The following PPHLN1 variants were observed in gnomAD, a reference collection of about 807,000 sequenced individuals.
PPHLN1 encodes the protein periphilin-1.
In PPHLN1, 29 loss-of-function variants were observed where a neutral mutation model predicts 51.3. The ratio of observed to expected loss-of-function variants is 0.57; its 90% CI spans 0.42 to 0.77. The LOEUF is 0.77. PPHLN1 is among the 30% of genes least tolerant of loss of function. The pLI, the probability that PPHLN1 is intolerant of heterozygous loss-of-function variation, is 0.00. For synonymous variants in PPHLN1, 147 were observed against 147.8 expected, an observed-to-expected ratio of 0.99 and a Z score of 0.04; for missense variants, 436 against 438.4, an observed-to-expected ratio of 0.99 and a Z score of 0.05.
intron 4 of PPHLN1, among the ~76,000 whole-genome samples, chr12:42,362,984 G>A (rs1479215049): frequency 6.6e-6 from 1 of 152,150 alleles, no homozygotes; most frequent in Non-Finnish European, 1.5e-5. Context: ...TAAGTTCAGT[G>A]TTCCTCAGTT....
chr12:42,410,688 A>G (rs2079731765), intron 9 of PPHLN1, among the ~76,000 whole-genome samples: 1 of 152,224 alleles, frequency 6.6e-6, no homozygotes, highest in Admixed American at 6.5e-5. Context: ...TTAAGCAGTT[A>G]GAAAGTAAAA....
Position 42,326,235 on chromosome 12 carries a change from C to T in PPHLN1, c.-21+6C>T, listed in dbSNP as rs1565701781. The T allele has an allele frequency of 6.6e-6, 1 of 152,264 alleles. No individual in the cohort carries two copies. The highest frequency in any genetic ancestry group is 2.1e-4 in the South Asian group (1 of 4,822). The allele number at this position is 152,264 out of a possible 1,614,324, so 9.4% of individuals were successfully genotyped here. On this transcript the variant is annotated splice_donor_region_variant and intron_variant, in intron 1 of 9. Coordinates refer to ENST00000358314, the MANE Select transcript of PPHLN1 (RefSeq NM_201439.2). ...CTCCCGGAGGGCCAGAGTCGGTGAG[C>T]GCTTTTTACCTTTCCCAGAGATGGA...
At chr12:42,327,296 C>T (rs1047778491) in intron 1 of PPHLN1, among the ~76,000 whole-genome samples, 1 of 152,178 alleles carries the variant, frequency 6.6e-6, no homozygotes, top group Non-Finnish European at 1.5e-5. Context: ...TATTCAACTT[C>T]TTTAGTGAAA....
chr12:42,442,508 G>A (rs545060640), downstream of PPHLN1: 22 of 1,284,816 alleles, frequency 1.7e-5, no homozygotes, highest in East Asian at 9.3e-5. Flanking sequence ...TGTCTGTACC[G>A]AATAAATACA....
At chr12:42,354,120 T>G (rs190138508) in intron 3 of PPHLN1, among the ~76,000 whole-genome samples, 1 of 152,228 alleles carries the variant, frequency 6.6e-6, no homozygotes, top group Non-Finnish European at 1.5e-5. Flanking sequence ...TATATAAGAA[T>G]AGAGTGTGTG....
chr12:42,397,796 C>T (rs771926670), intron 8 of PPHLN1, among the ~76,000 whole-genome samples: 25 of 151,962 alleles, frequency 1.6e-4, no homozygotes, highest in Non-Finnish European at 3.4e-4. Flanking sequence ...AGTGCAGTGG[C>T]GCTGGTGTGA....
At chr12:42,412,797 A>G (rs542344059) in intron 9 of PPHLN1, among the ~76,000 whole-genome samples, 15 of 152,146 alleles carry the variant, frequency 9.9e-5, no homozygotes, top group African/African-American at 3.1e-4. Context: ...TTGTTTTTTG[A>G]CTTTTTAATA....
At chr12:42,345,207 C>T (rs1283616733) in intron 2 of PPHLN1, among the ~76,000 whole-genome samples, 1 of 152,080 alleles carries the variant, frequency 6.6e-6, no homozygotes, top group Admixed American at 6.6e-5. Context: ...TGACCAGATT[C>T]TCATTAACGT....
chr12:42,425,030 A>G (rs1472371175), intron 9 of PPHLN1, among the ~76,000 whole-genome samples: 1 of 139,946 alleles, frequency 7.1e-6, no homozygotes, highest in Non-Finnish European at 1.5e-5. Context: ...TTTTATTTTT[A>G]TTTTATTTTA....
intron 7 of PPHLN1, among the ~76,000 whole-genome samples, chr12:42,390,377 T>C (rs2077581663): frequency 6.6e-6 from 1 of 152,160 alleles, no homozygotes; most frequent in Non-Finnish European, 1.5e-5. Context: ...AGGTAATAGA[T>C]GAAAGAAGAG....
intron 8 of PPHLN1, 116 bp downstream of exon 8, chr12:42,393,805 C>A: frequency 9.7e-7 from 1 of 1,032,882 alleles, no homozygotes; most frequent in Non-Finnish European, 1.3e-6. Context: ...TTATGGATTA[C>A]AGGTATTAAA....
chr12:42,365,470 A>G (rs2075166812), intron 4 of PPHLN1, among the ~76,000 whole-genome samples: 1 of 152,122 alleles, frequency 6.6e-6, no homozygotes, highest in Non-Finnish European at 1.5e-5. Context: ...TAACCGGTGA[A>G]CATATGTCTG....
chr12:42,367,652 C>T (rs893952618), intron 4 of PPHLN1, among the ~76,000 whole-genome samples: 1 of 151,940 alleles, frequency 6.6e-6, no homozygotes, highest in Admixed American at 6.6e-5. Context: ...ATCTTCGTAT[C>T]GTTTGTCTGT....
chr12:42,376,775 G>A (rs556674420), intron 5 of PPHLN1, among the ~76,000 whole-genome samples: 1 of 152,232 alleles, frequency 6.6e-6, no homozygotes, highest in Admixed American at 6.5e-5. Context: ...GCAACAGAAC[G>A]AGACTATGTC....
At chr12:42,342,809 G>A (rs912917448) in intron 2 of PPHLN1, among the ~76,000 whole-genome samples, 3 of 152,290 alleles carry the variant, frequency 2.0e-5, no homozygotes, top group Admixed American at 6.5e-5. Context: ...ACAGCAACAC[G>A]TTATTTTTCT....
intron 1 of PPHLN1, among the ~76,000 whole-genome samples, chr12:42,328,842 T>C (rs2137614930): frequency 6.6e-6 from 1 of 152,238 alleles, no homozygotes; most frequent in South Asian, 2.1e-4. Context: ...CCTGAGTAGC[T>C]GGAATTACAG....
At chr12:42,373,496 A>G (rs1174046925) in intron 4 of PPHLN1, among the ~76,000 whole-genome samples, 1 of 152,230 alleles carries the variant, frequency 6.6e-6, no homozygotes, top group Non-Finnish European at 1.5e-5. Flanking sequence ...ATGGACTGCC[A>G]ATCAAGATGC....
chr12:42,361,549 T>C (rs1433154787), intron 4 of PPHLN1: 1 of 152,210 alleles, frequency 6.6e-6, no homozygotes, highest in East Asian at 1.9e-4. Flanking sequence ...ATTCAGTGAG[T>C]TGTAATTCAT....
chr12:42,428,653 A>C (rs1305672824), intron 9 of PPHLN1, among the ~76,000 whole-genome samples: 1 of 152,060 alleles, frequency 6.6e-6, no homozygotes, highest in Non-Finnish European at 1.5e-5. Context: ...AAAAAAGACC[A>C]CATATTGGGT....
Sources: gnomAD v4.1 joint callset for allele counts (sites outside exome capture counted in the v4.1 genomes callset) on GRCh38, gnomAD v4.1.1 for gene constraint, MANE v1.5 for transcripts, NCBI Gene and HGNC (gene_info 2026-07-23, HGNC 2026-07-21) for gene names.